The following NBAS variants were observed in gnomAD, a reference collection of about 807,000 sequenced individuals.
The protein encoded by NBAS is NAG/BC035112 fusion.
NBAS carries 219 observed loss-of-function variants against 302.5 expected under a neutral mutation model. The observed-to-expected ratio is 0.72, with a 90% CI of 0.65 to 0.81. NBAS has a LOEUF of 0.81. NBAS is among the 30% of genes least tolerant of loss of function. The pLI is 0.00. For missense variants in NBAS, 2,932 were observed against 2,841.6 expected (o/e 1.03, Z -0.72); for synonymous variants, 1,118 against 1,021.6 (o/e 1.09, Z -1.80).
At chr2:15,020,275 A>G in the NBAS span, among the ~76,000 whole-genome samples, 1,354 of 152,330 alleles carry the variant, frequency 8.9e-3, 26 homozygotes, top group African/African-American at 0.03. Flanking sequence ...CTTTTTAAGA[A>G]CAGGTGCATA....
At chr2:15,370,763 G>A (rs185156050) in intron 31 of NBAS, among the ~76,000 whole-genome samples, 9 of 152,332 alleles carry the variant, frequency 5.9e-5, no homozygotes, top group East Asian at 3.9e-4. Context: ...TTGGAATGGA[G>A]GCATTTATCC....
intron 50 of NBAS, among the ~76,000 whole-genome samples, chr2:15,186,085 T>TAC (rs80317869): frequency 2.2e-3 from 323 of 147,300 alleles, no homozygotes; most frequent in Middle Eastern, 0.011. Context: ...CATATATATA[T>TAC]ACACACACAC....
the NBAS span, among the ~76,000 whole-genome samples, chr2:14,842,962 T>C: frequency 6.6e-6 from 1 of 151,932 alleles, no homozygotes; most frequent in Admixed American, 6.6e-5. Flanking sequence ...AAAAAGATCA[T>C]TCACAATAAT....
the NBAS span, among the ~76,000 whole-genome samples, chr2:15,118,038 T>C: frequency 1.3e-5 from 2 of 152,218 alleles, no homozygotes; most frequent in Non-Finnish European, 2.9e-5. Context: ...TTATCAGGAA[T>C]GGGCTTTATT....
At chr2:14,851,337 G>T in the NBAS span, among the ~76,000 whole-genome samples, 1 of 151,622 alleles carries the variant, frequency 6.6e-6, no homozygotes, top group African/African-American at 2.4e-5. Context: ...TAGAAGAAAT[G>T]GATACATTCC....
chr2:14,950,700 G>T, the NBAS span, among the ~76,000 whole-genome samples: 2 of 152,174 alleles, frequency 1.3e-5, no homozygotes. Context: ...TTGCAAAACA[G>T]CCAGGGTGCA....
chr2:15,237,000 C>G (rs985097748), intron 45 of NBAS, among the ~76,000 whole-genome samples: 3 of 152,158 alleles, frequency 2.0e-5, no homozygotes, highest in Admixed American at 6.5e-5. Flanking sequence ...TCTCCACTGA[C>G]TGATCTTTCT....
intron 26 of NBAS, among the ~76,000 whole-genome samples, chr2:15,398,302 C>T (rs1572783428): frequency 2.0e-5 from 3 of 152,134 alleles, no homozygotes; most frequent in Admixed American, 6.5e-5. Context: ...CGCTACCAAA[C>T]CCAGCTAATT....
the NBAS span, among the ~76,000 whole-genome samples, chr2:15,014,355 T>G: frequency 2.4e-4 from 36 of 152,130 alleles, no homozygotes; most frequent in African/African-American, 8.2e-4. Context: ...TCTTTTCAGA[T>G]TCTCCAGAAT....
chr2:15,394,168 A>C lies in NBAS; in HGVS notation c.3257+59T>G, dbSNP rs146952363. On this transcript the variant is annotated intron_variant, in intron 28 of 51. Coordinates refer to ENST00000281513, the MANE Select transcript of NBAS (RefSeq NM_015909.4). ...CAATGAGGTTGTCAGAAAAAGAGAA[A>C]TACTTTTAAAAATATTTAAAATTAA... 44 of 1,505,218 alleles carry C rather than the reference A, an allele frequency of 2.9e-5. No individual in the cohort carries two copies. In the East Asian group the frequency reaches 1.0e-3, roughly 35 times the overall value. The allele number at this position is 1,505,218 out of a possible 1,614,324, so 93.2% of individuals were successfully genotyped here.
At chr2:15,152,197 A>G in the NBAS span, among the ~76,000 whole-genome samples, 6 of 152,242 alleles carry the variant, frequency 3.9e-5, no homozygotes, top group Non-Finnish European at 7.3e-5. Context: ...TAACAAAAAC[A>G]TAAAGAGAAC....
At chr2:15,420,772 A>C (rs1034189567) in intron 23 of NBAS, among the ~76,000 whole-genome samples, 3 of 152,148 alleles carry the variant, frequency 2.0e-5, no homozygotes, top group African/African-American at 7.2e-5. Context: ...TACAAAGCCA[A>C]ATCATGTTCT....
intron 30 of NBAS, among the ~76,000 whole-genome samples, chr2:15,377,255 A>C (rs1157649999): frequency 2.0e-5 from 3 of 152,202 alleles, no homozygotes; most frequent in Admixed American, 2.0e-4. Context: ...GGCTAGAAAC[A>C]AGTTTCAAAT....
intron 14 of NBAS, among the ~76,000 whole-genome samples, chr2:15,474,742 C>A (rs968932162): frequency 6.6e-6 from 1 of 151,880 alleles, no homozygotes; most frequent in Non-Finnish European, 1.5e-5. Flanking sequence ...TGTATTTTTA[C>A]TAGAGATAGG....
At chr2:15,108,961 C>T in the NBAS span, among the ~76,000 whole-genome samples, 5 of 152,052 alleles carry the variant, frequency 3.3e-5, no homozygotes, top group Non-Finnish European at 7.4e-5. Flanking sequence ...AGAATCAATC[C>T]ACTGGAACAA....
chr2:14,845,947 T>C, the NBAS span, among the ~76,000 whole-genome samples: 3 of 152,052 alleles, frequency 2.0e-5, no homozygotes, highest in Non-Finnish European at 4.4e-5. Flanking sequence ...ATCTAAGAGT[T>C]ATTGGCCTTA....
Position 15,536,553 on chromosome 2 carries a change from T to C in NBAS, c.514-2A>G. On this transcript the variant is annotated splice_acceptor_variant, in intron 7 of 51. Coordinates refer to ENST00000281513, the MANE Select transcript of NBAS (RefSeq NM_015909.4). LOFTEE classifies it high-confidence loss of function. ...TAAGTCACCTATAAAACTAGATGCC[T>C]ACAGAAGAGGGGGAAATTAAGTTAC... The C allele has an allele frequency of 6.3e-7, 1 of 1,599,048 alleles. No individual in the cohort carries two copies.
At chr2:14,845,982 A>G in the NBAS span, among the ~76,000 whole-genome samples, 2 of 152,194 alleles carry the variant, frequency 1.3e-5, no homozygotes, top group African/African-American at 4.8e-5. Flanking sequence ...ATAGGGTAGA[A>G]AGTTTATTCA....
intron 48 of NBAS, among the ~76,000 whole-genome samples, chr2:15,192,703 G>A (rs1223184603): frequency 6.6e-6 from 1 of 152,114 alleles, no homozygotes; most frequent in Non-Finnish European, 1.5e-5. Context: ...CTGTCTACAT[G>A]AGAGTTTATA....
Sources: gnomAD v4.1 joint callset for allele counts (sites outside exome capture counted in the v4.1 genomes callset) on GRCh38, gnomAD v4.1.1 for gene constraint, MANE v1.5 for transcripts, NCBI Gene and HGNC (gene_info 2026-07-23, HGNC 2026-07-21) for gene names.